Variants in ABTB2 observed in about 807,000 individuals in gnomAD.
ABTB2 encodes the protein ankyrin repeat and BTB/POZ domain-containing protein 2.
In ABTB2, 56 loss-of-function variants were observed where a neutral mutation model predicts 104.1. The ratio of observed to expected loss-of-function variants is 0.54; its 90% CI spans 0.43 to 0.67. The LOEUF (loss-of-function observed/expected upper bound fraction) is 0.67, where lower values mean the gene tolerates loss of function less well. Ranked by LOEUF, ABTB2 falls within the 30% of genes least tolerant of loss-of-function variation. The pLI, the probability that ABTB2 is intolerant of heterozygous loss-of-function variation, is 0.00. For synonymous variants in ABTB2, 606 were observed against 608.2 expected (o/e 1.00, Z 0.05); for missense variants, 1,279 against 1,407.7 (o/e 0.91, Z 1.46).
intron 1 of ABTB2, among the ~76,000 whole-genome samples, chr11:34,341,364 T>C (rs1389645074): frequency 2.0e-5 from 3 of 152,198 alleles, no homozygotes; most frequent in Non-Finnish European, 4.4e-5. Flanking sequence ...ATGAATCTTC[T>C]TGTTTCTGCA....
intron 1 of ABTB2, among the ~76,000 whole-genome samples, chr11:34,244,587 A>G (rs1227635395): frequency 6.6e-6 from 1 of 152,224 alleles, no homozygotes; most frequent in African/African-American, 2.4e-5. Context: ...CCCATGGTGA[A>G]TAAGAGCTGG....
intron 1 of ABTB2, among the ~76,000 whole-genome samples, chr11:34,323,596 T>C (rs1314659845): frequency 6.6e-6 from 1 of 152,194 alleles, no homozygotes; most frequent in African/African-American, 2.4e-5. Flanking sequence ...TCCCCCTTCA[T>C]AGTCCTTCTG....
chr11:34,163,464 C>T (rs1852752016), intron 9 of ABTB2, among the ~76,000 whole-genome samples: 1 of 152,228 alleles, frequency 6.6e-6, no homozygotes, highest in Non-Finnish European at 1.5e-5. Context: ...CCGTCATAGG[C>T]GATGGATCCA....
intron 1 of ABTB2, among the ~76,000 whole-genome samples, chr11:34,286,606 A>T (rs1854508882): frequency 6.6e-6 from 1 of 152,002 alleles, no homozygotes; most frequent in South Asian, 2.1e-4. Flanking sequence ...AAATATTTTA[A>T]AAAAGATCCC....
intron 7 of ABTB2, among the ~76,000 whole-genome samples, chr11:34,166,700 C>A (rs1852805148): frequency 6.6e-6 from 1 of 152,234 alleles, no homozygotes; most frequent in African/African-American, 2.4e-5. Flanking sequence ...GCATGGGGAG[C>A]TGCTCTGCCC....
intron 1 of ABTB2, among the ~76,000 whole-genome samples, chr11:34,235,210 C>T (rs1021530177): frequency 1.1e-4 from 16 of 152,140 alleles, no homozygotes; most frequent in African/African-American, 3.1e-4. Context: ...TCTGGTGCCC[C>T]TACTCCCTCT....
At chr11:34,321,676 C>T (rs1021906414) in intron 1 of ABTB2, among the ~76,000 whole-genome samples, 1 of 152,242 alleles carries the variant, frequency 6.6e-6, no homozygotes, top group African/African-American at 2.4e-5. Context: ...CCTTGGCCTG[C>T]ATCAAGATGT....
chr11:34,182,553 G>T lies in ABTB2; in HGVS notation c.1245-9246C>A, dbSNP rs187776147. On this transcript the variant is annotated intron_variant, in intron 3 of 16. Coordinates refer to ENST00000435224, the MANE Select transcript of ABTB2 (RefSeq NM_145804.3). ...AAAACTCATCTGGTACAGATTAGAG[G>T]CACTAGATGAAGCTTGCCCAGATAC... Among the ~76,000 whole-genome samples the T allele has an allele frequency of 2.0e-5, 3 of 148,788 alleles. No individual in the cohort carries two copies. The East Asian group carries it at 5.8e-4, about 29-fold the overall frequency.
intron 1 of ABTB2, among the ~76,000 whole-genome samples, chr11:34,294,888 T>A (rs1274282526): frequency 1.3e-5 from 2 of 151,942 alleles, no homozygotes; most frequent in African/African-American, 2.4e-5. Context: ...TATTTTTTTT[T>A]AATTTTTAGT....
intron 1 of ABTB2, among the ~76,000 whole-genome samples, chr11:34,281,672 T>C (rs1854450521): frequency 6.6e-6 from 1 of 152,118 alleles, no homozygotes; most frequent in Non-Finnish European, 1.5e-5. Flanking sequence ...CACCACCGAG[T>C]TCCAGTATGT....
intron 1 of ABTB2, among the ~76,000 whole-genome samples, chr11:34,227,287 A>AAAAAAAAAAAAAG (rs1853700793): frequency 2.0e-5 from 2 of 99,758 alleles, no homozygotes; most frequent in Non-Finnish European, 4.3e-5. Context: ...AAAAAAAAAG[A>AAAAAAAAAAAAAG]AAAAAAAAAA....
At chr11:34,286,917 A>G (rs1387683369) in intron 1 of ABTB2, among the ~76,000 whole-genome samples, 2 of 152,218 alleles carry the variant, frequency 1.3e-5, no homozygotes, top group Admixed American at 1.3e-4. Context: ...CATGGAGAAC[A>G]GATTGGTGGT....
At chr11:34,293,351 G>A (rs1427752144) in intron 1 of ABTB2, among the ~76,000 whole-genome samples, 2 of 152,116 alleles carry the variant, frequency 1.3e-5, no homozygotes, top group East Asian at 3.9e-4. Context: ...GCTGAGGGCA[G>A]CGTCCTGGCT....
intron 3 of ABTB2, among the ~76,000 whole-genome samples, chr11:34,175,113 A>G (rs1852946130): frequency 1.3e-5 from 2 of 152,214 alleles, no homozygotes; most frequent in Non-Finnish European, 2.9e-5. Flanking sequence ...AGCCACCTCC[A>G]GGGAGTCAGC....
intron 1 of ABTB2, among the ~76,000 whole-genome samples, chr11:34,268,341 C>T (rs1369665066): frequency 2.6e-5 from 4 of 152,162 alleles, no homozygotes; most frequent in East Asian, 3.8e-4. Flanking sequence ...ATGAGGAACA[C>T]GAAGCAGAAG....
At chr11:34,321,729 G>T (rs1238627801) in intron 1 of ABTB2, among the ~76,000 whole-genome samples, 1 of 152,222 alleles carries the variant, frequency 6.6e-6, no homozygotes, top group Non-Finnish European at 1.5e-5. Flanking sequence ...GATGGCAGCT[G>T]CCGCAGCTCT....
At chr11:34,198,451 C>A (rs77501133) in intron 2 of ABTB2, among the ~76,000 whole-genome samples, 40,209 of 129,334 alleles carry the variant, frequency 0.31, 6,178 homozygotes, top group East Asian at 0.61. Flanking sequence ...CAAACAACAA[C>A]AACAAAAAAA....
chr11:34,350,831 C>A (rs6484708), intron 1 of ABTB2, among the ~76,000 whole-genome samples: 4,230 of 152,284 alleles, frequency 0.028, 214 homozygotes, highest in African/African-American at 0.098. Flanking sequence ...AGGAAAAGCA[C>A]AGGCCTGGGG....
intron 1 of ABTB2, among the ~76,000 whole-genome samples, chr11:34,333,623 G>A (rs923726998): frequency 2.0e-5 from 3 of 152,122 alleles, no homozygotes; most frequent in African/African-American, 7.2e-5. Flanking sequence ...GGGCATCGTG[G>A]TGCTCACCTG....
Sources: gnomAD v4.1 joint callset for allele counts (sites outside exome capture counted in the v4.1 genomes callset) on GRCh38, gnomAD v4.1.1 for gene constraint, MANE v1.5 for transcripts, NCBI Gene and HGNC (gene_info 2026-07-23, HGNC 2026-07-21) for gene names.